BTN2A1: variants seen among roughly 807,000 people sequenced by gnomAD.
The protein encoded by BTN2A1 is butyrophilin subfamily 2 member A1.
Under a neutral mutation model 34.5 loss-of-function variants are expected in BTN2A1, and 41 were observed. The ratio of observed to expected loss-of-function variants is 1.19; its 90% CI spans 0.93 to 1.54. BTN2A1 has a LOEUF of 1.54. BTN2A1 is among the 40% of genes most tolerant of loss of function. BTN2A1 has a pLI of 0.00. For missense variants in BTN2A1, 642 were observed against 662.0 expected (o/e 0.97, Z 0.33); for synonymous variants, 267 against 258.6 (o/e 1.03, Z -0.31).
chr6:26,462,002 T>C (rs1446782795), intron 3 of BTN2A1, among the ~76,000 whole-genome samples: 7 of 140,542 alleles, frequency 5.0e-5, no homozygotes, highest in African/African-American at 8.2e-5. Flanking sequence ...GCCCAGGCGA[T>C]AGAGTGAGAC....
chr6:26,459,912 AC>A (rs1763117540), intron 3 of BTN2A1, 84 bp downstream of exon 3: 2 of 865,724 alleles, frequency 2.3e-6, no homozygotes, highest in African/African-American at 2.0e-5. Flanking sequence ...CCCATTGCAG[AC>A]CAGCAAATTT....
chr6:26,472,691 T>C (rs1348303976), downstream of BTN2A1, among the ~76,000 whole-genome samples: 3 of 152,186 alleles, frequency 2.0e-5, no homozygotes, highest in Admixed American at 6.5e-5. Flanking sequence ...ACCTGTGTTA[T>C]AGCTTATACC....
intron 7 of BTN2A1, chr6:26,467,647 T>A: frequency 6.9e-7 from 1 of 1,459,578 alleles, no homozygotes; most frequent in East Asian, 2.4e-5. Flanking sequence ...AGGGAACACA[T>A]CTTAGAATGC....
chr6:26,461,752 T>G (rs1348927179), intron 3 of BTN2A1, among the ~76,000 whole-genome samples: 1 of 151,374 alleles, frequency 6.6e-6, no homozygotes, highest in Non-Finnish European at 1.5e-5. Context: ...CATTTCACTC[T>G]AGCCTGGGCT....
chr6:26,475,627 G>C (rs144948204), intron 7 of BTN2A1, among the ~76,000 whole-genome samples: 1 of 152,160 alleles, frequency 6.6e-6, no homozygotes, highest in African/African-American at 2.4e-5. Flanking sequence ...TACAGGATCA[G>C]CAGGGCATAG....
Position 26,468,375 on chromosome 6 carries a change from G to A in BTN2A1, c.1410G>A (p.Ser470=), listed in dbSNP as rs147342363. 25 of 1,613,924 alleles carry A rather than the reference G, an allele frequency of 1.5e-5. No individual in the cohort carries two copies. The highest frequency in any genetic ancestry group is 1.2e-4 in the African/African-American group (9 of 74,940). Residue 470 remains serine, a synonymous_variant, in exon 8 of 8, where the codon TCG becomes TCA. Transcript: ENST00000312541. ...CCTTCTACAACATGAGGGACAGATC[G>A]CACATCTACACATGTCCCCGTTCAG... ...DVSFYNMRDR[S]HIYTCPRSAF... is the part of the protein sequence containing the mutation.
At chr6:26,472,294 A>G (rs887438851), downstream of BTN2A1, among the ~76,000 whole-genome samples, 1 of 152,098 alleles carries the variant, frequency 6.6e-6, no homozygotes, top group African/African-American at 2.4e-5. Context: ...CCCTCAAGCA[A>G]TTGGCTCAAA....
At chr6:26,466,967 G>T (rs1035022378) in intron 7 of BTN2A1, among the ~76,000 whole-genome samples, 1 of 152,216 alleles carries the variant, frequency 6.6e-6, no homozygotes, top group African/African-American at 2.4e-5. Context: ...GAAGACATCA[G>T]ACCCATGTTG....
At position 26,466,463 on chromosome 6, in the gene BTN2A1, GTAGAC is replaced by G. The variant is rs1254266299; in HGVS notation, c.982+377_982+381del. Among the ~76,000 whole-genome samples the G allele has an allele frequency of 5.9e-5, 9 of 152,346 alleles. No homozygotes were observed. In the East Asian group the frequency reaches 1.3e-3, roughly 23 times the overall value. ...TAGCAGCTTATATCCTGGGGATGGT[GTAGAC>G]TGTGCCAAGTTGAAGACCCATGTAG... On this transcript the variant is annotated intron_variant, in intron 7 of 7. Transcript: ENST00000312541.
At chr6:26,460,489 A>C (rs543131929) in intron 3 of BTN2A1, among the ~76,000 whole-genome samples, 3 of 152,186 alleles carry the variant, frequency 2.0e-5, no homozygotes, top group Non-Finnish European at 4.4e-5. Context: ...AAGACTACGA[A>C]TTTTGCTGGG....
At chr6:26,471,663 A>AAAGGAAGGAAGGAAGG (rs71745841), downstream of BTN2A1, among the ~76,000 whole-genome samples, 2 of 151,496 alleles carry the variant, frequency 1.3e-5, no homozygotes, top group African/African-American at 4.9e-5. Context: ...GGAAGGAAGG[A>AAAGGAAGGAAGGAAGG]AAGGAAGGAA....
downstream of BTN2A1, among the ~76,000 whole-genome samples, chr6:26,470,349 A>G (rs146969413): frequency 2.6e-4 from 40 of 152,190 alleles, no homozygotes; most frequent in East Asian, 7.7e-3. Context: ...TCCCGTCTCA[A>G]ACAAAGAGGG....
At position 26,463,079 on chromosome 6, in the gene BTN2A1, G is replaced by A. The variant is rs140852554; in HGVS notation, c.431-165G>A. Among the ~76,000 whole-genome samples, 868 of 152,272 alleles carry A rather than the reference G, an allele frequency of 5.7e-3. 5 individuals are homozygous for A. The highest frequency in any genetic ancestry group is 0.016 in the African/African-American group (675 of 41,556). Reference sequence around the variant, plus strand: ...CCTGCTGGTGTTCTCCAACATCAATGTTCTTTCTTCCTTACCCTCATCCTT... The same window carrying A: ...CCTGCTGGTGTTCTCCAACATCAATATTCTTTCTTCCTTACCCTCATCCTT... On this transcript the variant is annotated intron_variant, in intron 3 of 7. Coordinates refer to ENST00000312541, the MANE Select transcript of BTN2A1 (RefSeq NM_007049.5).
chr6:26,465,658 C>G (rs546802237), intron 5 of BTN2A1, among the ~76,000 whole-genome samples: 7 of 152,194 alleles, frequency 4.6e-5, no homozygotes, highest in Non-Finnish European at 8.8e-5. Flanking sequence ...ACTTGGAACT[C>G]TCATGTCCTT....
intron 3 of BTN2A1, among the ~76,000 whole-genome samples, chr6:26,461,756 C>T (rs1340265834): frequency 4.0e-5 from 6 of 151,144 alleles, no homozygotes; most frequent in African/African-American, 1.5e-4. Context: ...TCACTCTAGC[C>T]TGGGCTACAG....
At chr6:26,473,731 AAGAC>A (rs2113872009), downstream of BTN2A1, among the ~76,000 whole-genome samples, 3 of 152,382 alleles carry the variant, frequency 2.0e-5, no homozygotes, top group South Asian at 4.1e-4. Flanking sequence ...TATGATATAA[AAGAC>A]AGCTGAATGT....
In BTN2A1 at chr6:26,465,739, G is replaced by A. The variant is rs1763294179; in HGVS notation, c.935-214G>A. 4 of 832,846 alleles carry A rather than the reference G, an allele frequency of 4.8e-6. No homozygotes were observed. The South Asian group carries it at 2.2e-4, about 46-fold the overall frequency. The allele number at this position is 832,846 out of a possible 1,614,324, so 51.6% of individuals were successfully genotyped here. On this transcript the variant is annotated intron_variant, in intron 5 of 7. Coordinates refer to ENST00000312541, the MANE Select transcript of BTN2A1 (RefSeq NM_007049.5). Reference sequence around the variant, plus strand: ...GCATTCATTCATCTGGCTACATAAAGTACTAAATGGTTGAGCAAAAGCAAG... The same window carrying A: ...GCATTCATTCATCTGGCTACATAAAATACTAAATGGTTGAGCAAAAGCAAG...
At chr6:26,472,645 C>A (rs1313274786), downstream of BTN2A1, among the ~76,000 whole-genome samples, 2 of 152,134 alleles carry the variant, frequency 1.3e-5, no homozygotes, top group Non-Finnish European at 2.9e-5. Flanking sequence ...ACACCCCACC[C>A]AAGCCTCGCT....
chr6:26,460,915 T>G (rs1763147956), intron 3 of BTN2A1, among the ~76,000 whole-genome samples: 1 of 151,928 alleles, frequency 6.6e-6, no homozygotes, highest in Non-Finnish European at 1.5e-5. Context: ...GTATCAAAAA[T>G]TAAACAACAA....
Sources: gnomAD v4.1 joint callset for allele counts (sites outside exome capture counted in the v4.1 genomes callset) on GRCh38, gnomAD v4.1.1 for gene constraint, MANE v1.5 for transcripts, NCBI Gene and HGNC (gene_info 2026-07-23, HGNC 2026-07-21) for gene names.